The following WWOX variants were observed in gnomAD, a reference collection of about 807,000 sequenced individuals.
The protein encoded by WWOX is WW domain containing oxidoreductase.
A neutral mutation model predicts 46.2 loss-of-function variants in WWOX; 69 were observed. The observed-to-expected ratio is 1.49, with a 90% CI of 1.23 to 1.82. The LOEUF is 1.82. WWOX is among the 40% of genes most tolerant of loss of function. The pLI is 0.00. For missense variants in WWOX, 919 were observed against 542.6 expected (o/e 1.69, Z -6.89); for synonymous variants, 359 against 202.6 (o/e 1.77, Z -6.56).
intron 8 of WWOX, among the ~76,000 whole-genome samples, chr16:78,872,467 A>G (rs979845652): frequency 1.3e-5 from 2 of 152,196 alleles, no homozygotes; most frequent in Non-Finnish European, 2.9e-5. Flanking sequence ...ACAGTGAATT[A>G]CAGTGGGGGA....
intron 8 of WWOX, among the ~76,000 whole-genome samples, chr16:79,017,782 A>AC (rs2047447534): frequency 6.6e-6 from 1 of 151,878 alleles, no homozygotes; most frequent in Non-Finnish European, 1.5e-5. Context: ...GAATATTTCC[A>AC]CCCCCATTAT....
intron 5 of WWOX, among the ~76,000 whole-genome samples, chr16:78,219,166 G>A (rs1209209375): frequency 6.6e-6 from 1 of 151,648 alleles, no homozygotes; most frequent in East Asian, 1.9e-4. Flanking sequence ...ACCACAAATT[G>A]ATTTTGTGTA....
intron 8 of WWOX, among the ~76,000 whole-genome samples, chr16:78,682,422 A>G (rs1344717088): frequency 6.6e-6 from 1 of 151,920 alleles, no homozygotes; most frequent in Non-Finnish European, 1.5e-5. Context: ...TCAATGAATT[A>G]TTTTTCCTTT....
intron 8 of WWOX, among the ~76,000 whole-genome samples, chr16:78,615,790 G>T (rs1374013948): frequency 6.7e-6 from 1 of 149,696 alleles, no homozygotes; most frequent in Non-Finnish European, 1.5e-5. Context: ...TCACTCTGTT[G>T]CCCAGGCTGG....
At chr16:79,141,764 G>A in intron 8 of WWOX, among the ~76,000 whole-genome samples, 1 of 151,998 alleles carries the variant, frequency 6.6e-6, no homozygotes, top group Non-Finnish European at 1.5e-5. Flanking sequence ...GTGTCCATTA[G>A]GATGACTCTC....
intron 8 of WWOX, among the ~76,000 whole-genome samples, chr16:78,614,641 A>G (rs913384798): frequency 1.3e-5 from 2 of 151,890 alleles, no homozygotes; most frequent in Admixed American, 1.3e-4. Flanking sequence ...ATGAGGGACC[A>G]CCCCCTCCAC....
intron 8 of WWOX, among the ~76,000 whole-genome samples, chr16:78,828,361 G>T (rs1326767501): frequency 6.6e-6 from 1 of 152,154 alleles, no homozygotes; most frequent in African/African-American, 2.4e-5. Context: ...GGAGGTGAGT[G>T]AGAAGAACGG....
At chr16:78,811,305 T>C (rs766247224) in intron 8 of WWOX, among the ~76,000 whole-genome samples, 2 of 152,188 alleles carry the variant, frequency 1.3e-5, no homozygotes, top group Non-Finnish European at 2.9e-5. Context: ...ATTCATAGGC[T>C]CTCTGGGTTG....
At chr16:78,768,462 C>A (rs1007358628) in intron 8 of WWOX, among the ~76,000 whole-genome samples, 1 of 151,724 alleles carries the variant, frequency 6.6e-6, no homozygotes, top group Admixed American at 6.6e-5. Flanking sequence ...TGGTGGCGCA[C>A]GCCTGTAATC....
chr16:78,431,122 A>G (rs1378209940), intron 7 of WWOX, among the ~76,000 whole-genome samples: 1 of 152,214 alleles, frequency 6.6e-6, no homozygotes, highest in Non-Finnish European at 1.5e-5. Context: ...GGAAGTCACT[A>G]TAATGTTGTT....
chr16:78,146,594 C>A (rs918534911), intron 4 of WWOX, among the ~76,000 whole-genome samples: 1 of 152,090 alleles, frequency 6.6e-6, no homozygotes, highest in African/African-American at 2.4e-5. Flanking sequence ...TGTATTTCAC[C>A]CGTCCCTCAT....
chr16:78,138,889 G>T (rs1044082339), intron 4 of WWOX, among the ~76,000 whole-genome samples: 11 of 152,288 alleles, frequency 7.2e-5, no homozygotes, highest in African/African-American at 1.9e-4. Context: ...ACCTACAGCT[G>T]CTCAAAGATG....
intron 1 of WWOX, among the ~76,000 whole-genome samples, chr16:78,106,053 C>A (rs909014338): frequency 6.6e-6 from 1 of 152,196 alleles, no homozygotes; most frequent in Non-Finnish European, 1.5e-5. Flanking sequence ...CCTCCCGCCT[C>A]GGCCTCCCAA....
At chr16:78,461,835 T>A (rs2083957778) in intron 8 of WWOX, among the ~76,000 whole-genome samples, 1 of 152,204 alleles carries the variant, frequency 6.6e-6, no homozygotes, top group African/African-American at 2.4e-5. Context: ...GAGGAAAATG[T>A]TTTTCTTTAA....
chr16:78,861,614 A>G (rs1230856595), intron 8 of WWOX, among the ~76,000 whole-genome samples: 1 of 152,196 alleles, frequency 6.6e-6, no homozygotes, highest in African/African-American at 2.4e-5. Flanking sequence ...TATCATCATC[A>G]CACCCAAAAA....
intron 8 of WWOX, among the ~76,000 whole-genome samples, chr16:78,753,825 A>AAATAT (rs2049556906): frequency 9.4e-5 from 2 of 21,358 alleles, no homozygotes; most frequent in Non-Finnish European, 1.2e-4. Flanking sequence ...AAAAAAAAAA[A>AAATAT]ATATATATAT....
At chr16:79,187,510 C>T (rs975031240) in intron 8 of WWOX, among the ~76,000 whole-genome samples, 1 of 152,226 alleles carries the variant, frequency 6.6e-6, no homozygotes, top group Non-Finnish European at 1.5e-5. Context: ...AAGCGATTCT[C>T]CTGCCTCAGC....
At chr16:78,234,165 C>T (rs1271401495) in intron 5 of WWOX, among the ~76,000 whole-genome samples, 1 of 151,620 alleles carries the variant, frequency 6.6e-6, no homozygotes, top group Non-Finnish European at 1.5e-5. Context: ...TCACTGTGTA[C>T]ATAGCTATTC....
At chr16:78,971,258 G>A (rs1427647113) in intron 8 of WWOX, among the ~76,000 whole-genome samples, 2 of 151,890 alleles carry the variant, frequency 1.3e-5, no homozygotes, top group Non-Finnish European at 2.9e-5. Flanking sequence ...GAGGTCAGGA[G>A]TTCGAGACCA....
Sources: gnomAD v4.1 joint callset for allele counts (sites outside exome capture counted in the v4.1 genomes callset) on GRCh38, gnomAD v4.1.1 for gene constraint, MANE v1.5 for transcripts, NCBI Gene and HGNC (gene_info 2026-07-23, HGNC 2026-07-21) for gene names.